The following GLYR1 variants were observed in gnomAD, a reference collection of about 807,000 sequenced individuals.
The protein encoded by GLYR1 is cytokine-like nuclear factor N-PAC.
A neutral mutation model predicts 72.7 loss-of-function variants in GLYR1; 21 were observed. The observed-to-expected ratio is 0.29, with a 90% CI of 0.20 to 0.42. The LOEUF (loss-of-function observed/expected upper bound fraction) is 0.42. GLYR1 is among the 10% of genes least tolerant of loss of function. The probability of loss-of-function intolerance (pLI) is 1.00; values close to 1 mark genes in which losing one functional copy is unlikely to be tolerated. For synonymous variants in GLYR1, 392 were observed against 270.2 expected, an observed-to-expected ratio of 1.45 and a Z score of -4.42; for missense variants, 594 against 712.1, an observed-to-expected ratio of 0.83 and a Z score of 1.89.
At chr16:4,817,795 G>C (rs754867935) in intron 9 of GLYR1, 98 bp from the exon 10 acceptor site, 153 of 776,476 alleles carry the variant, frequency 2.0e-4, no homozygotes, top group Non-Finnish European at 2.8e-4. Flanking sequence ...ATACAGCTTG[G>C]GGTAGGGGAA....
At chr16:4,843,650 T>A in intron 3 of GLYR1, 1 of 1,288,028 alleles carries the variant, frequency 7.8e-7, no homozygotes, top group Non-Finnish European at 1.0e-6. Flanking sequence ...AACTCCTGGA[T>A]GAGTGAAGAA....
chr16:4,844,848 A>T (rs746776787), intron 3 of GLYR1, among the ~76,000 whole-genome samples: 11 of 152,222 alleles, frequency 7.2e-5, no homozygotes, highest in Non-Finnish European at 1.6e-4. Flanking sequence ...TAGAAGGTAA[A>T]TGAACCTAGT....
intron 3 of GLYR1, among the ~76,000 whole-genome samples, chr16:4,841,379 G>A (rs890613274): frequency 1.3e-5 from 2 of 148,988 alleles, no homozygotes; most frequent in Non-Finnish European, 3.0e-5. Flanking sequence ...CCAGTACTTC[G>A]GGAGGCCGAG....
intron 10 of GLYR1, among the ~76,000 whole-genome samples, chr16:4,816,589 G>GT (rs1242487874): frequency 6.6e-6 from 1 of 151,838 alleles, no homozygotes; most frequent in African/African-American, 2.4e-5. Context: ...TTGTTGGGGA[G>GT]TATTATCAAA....
intron 3 of GLYR1, among the ~76,000 whole-genome samples, chr16:4,844,299 G>C (rs1445087657): frequency 1.3e-5 from 2 of 151,970 alleles, no homozygotes; most frequent in Non-Finnish European, 2.9e-5. Context: ...CCCCAACTTA[G>C]GACAGATCTG....
chr16:4,829,477 TTTTG>T (rs916508023), intron 5 of GLYR1, among the ~76,000 whole-genome samples: 22 of 151,382 alleles, frequency 1.5e-4, no homozygotes, highest in Admixed American at 1.3e-3. Flanking sequence ...AACTAGTACT[TTTTG>T]TTTCTTTTTT....
At chr16:4,810,906 A>T (rs993980383) in intron 15 of GLYR1, among the ~76,000 whole-genome samples, 1 of 151,632 alleles carries the variant, frequency 6.6e-6, no homozygotes, top group Non-Finnish European at 1.5e-5. Context: ...GGAGTTCGAG[A>T]CCAGCCTGAA....
intron 3 of GLYR1, among the ~76,000 whole-genome samples, chr16:4,835,500 C>T (rs1328837784): frequency 5.9e-5 from 9 of 152,150 alleles, no homozygotes; most frequent in African/African-American, 1.9e-4. Context: ...CAACTTATTG[C>T]TGGAGAAGCA....
intron 12 of GLYR1, among the ~76,000 whole-genome samples, chr16:4,813,048 C>T (rs8049960): frequency 0.093 from 14,114 of 151,122 alleles, 903 homozygotes; most frequent in African/African-American, 0.19. Flanking sequence ...CTGCAAGCTC[C>T]GCCTCCTGGG....
At chr16:4,816,533 G>A (rs1003339653) in intron 10 of GLYR1, among the ~76,000 whole-genome samples, 4 of 152,048 alleles carry the variant, frequency 2.6e-5, no homozygotes, top group Admixed American at 1.3e-4. Context: ...TTACGTATTT[G>A]CTACAAGTAC....
chr16:4,838,132 G>C (rs1161969568), intron 3 of GLYR1, among the ~76,000 whole-genome samples: 1 of 152,018 alleles, frequency 6.6e-6, no homozygotes, highest in African/African-American at 2.4e-5. Flanking sequence ...AGGTGTTACA[G>C]GCCAAGTTCT....
At chr16:4,831,878 G>C (rs2084823509) in intron 5 of GLYR1, 101 bp downstream of exon 5, 9 of 1,473,782 alleles carry the variant, frequency 6.1e-6, no homozygotes, top group Non-Finnish European at 8.2e-6. Flanking sequence ...TCCATGAGCA[G>C]AGTATAGATA....
In GLYR1 at chr16:4,806,899, C is replaced by A. The variant is rs117239813; in HGVS notation, c.1588-1589G>T. Among the ~76,000 whole-genome samples, 992 of 149,050 alleles carry A rather than the reference C, an allele frequency of 6.7e-3. 10 individuals are homozygous for A. The highest frequency in any genetic ancestry group is 7.3e-3 in the Non-Finnish European group (492 of 67,402). ...TCACTGCCAGCTCTGCTCTGCCTCC[C>A]GGGTTCACGCCATTCTCCTGCTTCA... On this transcript the variant is annotated intron_variant, in intron 15 of 15. Transcript: ENST00000321919.
At chr16:4,827,716 T>C (rs1054348008) in intron 5 of GLYR1, among the ~76,000 whole-genome samples, 8 of 151,902 alleles carry the variant, frequency 5.3e-5, no homozygotes, top group African/African-American at 1.9e-4. Context: ...CTGGCTAACA[T>C]GATGAAACCC....
At chr16:4,824,342 G>A (rs982195879) in intron 5 of GLYR1, among the ~76,000 whole-genome samples, 16 of 151,708 alleles carry the variant, frequency 1.1e-4, no homozygotes, top group Admixed American at 2.0e-4. Flanking sequence ...GTGAAACCCC[G>A]TCTCTACTAA....
intron 9 of GLYR1, 182 bp downstream of exon 9, chr16:4,821,198 C>A: frequency 1.5e-6 from 1 of 656,168 alleles, no homozygotes; most frequent in Non-Finnish European, 2.6e-6. Context: ...GAGACCCGAC[C>A]ACAGATTTAC....
intron 3 of GLYR1, 121 bp downstream of exon 3, chr16:4,844,953 G>T: frequency 1.5e-6 from 1 of 687,620 alleles, no homozygotes; most frequent in Non-Finnish European, 2.5e-6. Context: ...AGAATGAGAT[G>T]CCAGTATTAC....
chr16:4,845,104 A>T lies in GLYR1; in HGVS notation c.125T>A (p.Phe42Tyr). Residue 42 changes from phenylalanine to tyrosine, a missense_variant, in exon 3 of 16, where the codon TTC becomes TAC. This residue lies in a region of GLYR1 where 62 missense variants were observed against 82.5 expected (regional missense o/e 0.75). Transcript: ENST00000321919. The stretch of plus-strand genomic sequence containing the variant: ...TTCTGTTCCAAAAAATTTCACAAAG[A>T]AGCATTTCTTTCCGCGAGGTTTCTT... ...DLKKPRGKKC[F>Y]FVKFFGTEDH... 6.2e-7 allele frequency: 1 copy of T among 1,614,010 alleles called. No individual in the cohort carries two copies. The highest frequency in any genetic ancestry group is 1.1e-5 in the South Asian group (1 of 91,078).
intron 10 of GLYR1, among the ~76,000 whole-genome samples, chr16:4,814,924 G>C (rs754607129): frequency 7.2e-5 from 11 of 152,158 alleles, no homozygotes; most frequent in Non-Finnish European, 1.2e-4. Context: ...GGTATGAACA[G>C]TAGCACCTCT....
Sources: gnomAD v4.1 joint callset for allele counts (sites outside exome capture counted in the v4.1 genomes callset) on GRCh38, gnomAD v4.1.1 for gene constraint, gnomAD v4.1.1 regional missense constraint, MANE v1.5 for transcripts, NCBI Gene and HGNC (gene_info 2026-07-23, HGNC 2026-07-21) for gene names.